IGSF11: variants seen among roughly 807,000 people sequenced by gnomAD.
IGSF11 encodes CXADR like 1.
IGSF11 carries 22 observed loss-of-function variants against 41.0 expected under a neutral mutation model. The observed-to-expected ratio is 0.54, with a 90% CI of 0.38 to 0.77. IGSF11 has a LOEUF of 0.77. Ranked by LOEUF, IGSF11 falls within the 30% of genes least tolerant of loss-of-function variation. The pLI is 0.00. For synonymous variants in IGSF11, 219 were observed against 201.3 expected (o/e 1.09, Z -0.74); for missense variants, 444 against 530.8 (o/e 0.84, Z 1.61).
chr3:119,138,005 G>A (rs1468926858), intron 1 of IGSF11, among the ~76,000 whole-genome samples: 6 of 152,124 alleles, frequency 3.9e-5, no homozygotes, highest in Admixed American at 3.3e-4. Flanking sequence ...AAACTACAAT[G>A]AGGTGACATC....
chr3:119,073,351 G>A (rs187761068), intron 1 of IGSF11, among the ~76,000 whole-genome samples: 303 of 152,308 alleles, frequency 2.0e-3, no homozygotes, highest in African/African-American at 6.4e-3. Flanking sequence ...TGGATCCCGC[G>A]CCAGGGCCAC....
rs139108964 is a variant in IGSF11 at position 118,975,047 on chromosome 3, C to G, written c.53-44772G>C. 4.4e-3 allele frequency among the ~76,000 whole-genome samples: 672 copies of G among 152,266 alleles called. 17 individuals carry two copies. The highest frequency in any genetic ancestry group is 0.031 in the Admixed American group (476 of 15,284). On this transcript the variant is annotated intron_variant, in intron 1 of 6. Coordinates refer to ENST00000393775, the MANE Select transcript of IGSF11 (RefSeq NM_001015887.3). Reference sequence around the variant, plus strand: ...CCTAGAAATAGCTCAACCCTCCTTCCATGACCAATATACAGTGCAAGCCTC... The same window carrying G: ...CCTAGAAATAGCTCAACCCTCCTTCGATGACCAATATACAGTGCAAGCCTC...
chr3:118,955,164 C>T (rs1576471768), intron 1 of IGSF11, among the ~76,000 whole-genome samples: 1 of 151,800 alleles, frequency 6.6e-6, no homozygotes, highest in Non-Finnish European at 1.5e-5. Flanking sequence ...GCCCAAATGC[C>T]CATCAATCAA....
intron 1 of IGSF11, among the ~76,000 whole-genome samples, chr3:119,001,220 C>T (rs1936801012): frequency 6.7e-6 from 1 of 150,140 alleles, no homozygotes; most frequent in East Asian, 1.9e-4. Context: ...CTTTCCTCTC[C>T]ATATTTCTTT....
chr3:118,935,984 T>C (rs1049951059), intron 1 of IGSF11, among the ~76,000 whole-genome samples: 3 of 152,186 alleles, frequency 2.0e-5, no homozygotes, highest in African/African-American at 7.2e-5. Flanking sequence ...ATGTGTCTCA[T>C]GGTTCCTCTT....
intron 1 of IGSF11, chr3:119,105,140 TA>T: frequency 6.3e-7 from 1 of 1,593,954 alleles, no homozygotes; most frequent in Non-Finnish European, 8.6e-7. Context: ...GTCAAGTCAC[TA>T]ACCAGTTCTA....
chr3:118,943,367 G>A (rs1026013380), intron 1 of IGSF11, among the ~76,000 whole-genome samples: 3 of 152,152 alleles, frequency 2.0e-5, no homozygotes, highest in Admixed American at 2.0e-4. Context: ...AAATCTTAAT[G>A]CCCTAAGCAT....
chr3:119,118,798 G>T (rs1208833651), intron 1 of IGSF11, among the ~76,000 whole-genome samples: 3 of 152,092 alleles, frequency 2.0e-5, no homozygotes, highest in African/African-American at 7.2e-5. Flanking sequence ...TGAATGTTTT[G>T]CTGCTTAGAA....
intron 1 of IGSF11, among the ~76,000 whole-genome samples, chr3:119,089,067 T>C (rs1337549849): frequency 1.3e-5 from 2 of 152,148 alleles, no homozygotes; most frequent in African/African-American, 4.8e-5. Context: ...GGAGCTCTCC[T>C]GACTAACTCT....
chr3:118,993,581 A>C (rs752525711), intron 1 of IGSF11, among the ~76,000 whole-genome samples: 10 of 152,252 alleles, frequency 6.6e-5, no homozygotes, highest in Middle Eastern at 3.2e-3. Flanking sequence ...TCACAGCATG[A>C]TAGCCAAAAA....
chr3:119,004,095 G>T (rs1937208580), intron 1 of IGSF11, among the ~76,000 whole-genome samples: 1 of 149,884 alleles, frequency 6.7e-6, no homozygotes, highest in African/African-American at 2.5e-5. Context: ...TCTGGTCCTG[G>T]ACTCTTTTTG....
At position 119,034,540 on chromosome 3, in the gene IGSF11, AGAG is replaced by A; in HGVS notation, c.40_42del (p.Leu14del). On this transcript the variant is annotated inframe_deletion, in exon 1 of 7. Transcript: ENST00000393775. ...GGCTGGAGCTACTCACCGTGCAGAG[AGAG>A]GAGCAGCAAAGGCGCCAGAGGGGAA... is the stretch of plus-strand genomic sequence containing the variant. 6.3e-7 allele frequency: 1 copy of A among 1,588,832 alleles called. No homozygotes were observed. Among genetic ancestry groups the A allele is most frequent in the Non-Finnish European group, 8.6e-7 (1 of 1,168,650 alleles).
intron 1 of IGSF11, among the ~76,000 whole-genome samples, chr3:119,113,496 A>G (rs2077212870): frequency 6.6e-6 from 1 of 152,218 alleles, no homozygotes; most frequent in Admixed American, 6.5e-5. Flanking sequence ...AAGCTTCAAA[A>G]TAACCTCCTT....
intron 1 of IGSF11, among the ~76,000 whole-genome samples, chr3:119,004,842 T>A (rs534494235): frequency 3.3e-5 from 5 of 152,300 alleles, no homozygotes; most frequent in South Asian, 2.1e-4. Context: ...TTGTTATAAT[T>A]TCTGTTCTGT....
chr3:119,027,219 A>T (rs1041271163), intron 1 of IGSF11, among the ~76,000 whole-genome samples: 7 of 152,246 alleles, frequency 4.6e-5, no homozygotes, highest in Non-Finnish European at 7.3e-5. Flanking sequence ...GTGGATTTTA[A>T]TATAACAAGT....
At chr3:119,128,368 AAGAG>A (rs1430379836) in intron 1 of IGSF11, among the ~76,000 whole-genome samples, 1 of 151,976 alleles carries the variant, frequency 6.6e-6, no homozygotes, top group African/African-American at 2.4e-5. Context: ...AAAAGAAAGA[AAGAG>A]AGAGAGAAAC....
chr3:118,970,921 G>A (rs1216340561), intron 1 of IGSF11, among the ~76,000 whole-genome samples: 1 of 152,010 alleles, frequency 6.6e-6, no homozygotes, highest in Admixed American at 6.6e-5. Flanking sequence ...ACCAAAAATA[G>A]TGTGTGGTGT....
chr3:119,068,789 A>T (rs1010448269), intron 1 of IGSF11, among the ~76,000 whole-genome samples: 8 of 152,184 alleles, frequency 5.3e-5, no homozygotes, highest in Non-Finnish European at 1.2e-4. Context: ...CTTCATACTG[A>T]CTCACATGAT....
Position 118,904,656 on chromosome 3 carries a change from A to G in IGSF11, c.846T>C (p.Asn282=). The change falls in exon 6 of 7, where the codon AAT becomes AAC. Residue 282 remains asparagine, a synonymous_variant. Transcript: ENST00000393775. ...NKEEEEEEIP[N]EIREDDLPPK... ...AAATCTGACATACAAACCTTATTTC[A>G]TTAGGAATTTCTTCTTCTTCCTCCT... 1.2e-6 allele frequency: 2 copies of G among 1,609,614 alleles called. No homozygotes were observed. Among genetic ancestry groups the G allele is most frequent in the Non-Finnish European group, 1.7e-6 (2 of 1,177,678 alleles).
Sources: gnomAD v4.1 joint callset for allele counts (sites outside exome capture counted in the v4.1 genomes callset) on GRCh38, gnomAD v4.1.1 for gene constraint, MANE v1.5 for transcripts, NCBI Gene and HGNC (gene_info 2026-07-23, HGNC 2026-07-21) for gene names.